The following ITGB1 variants were observed in gnomAD, a reference collection of about 807,000 sequenced individuals.
ITGB1 encodes the protein integrin beta-1.
Under a neutral mutation model 86.5 loss-of-function variants are expected in ITGB1, and 24 were observed. The ratio of observed to expected loss-of-function variants is 0.28; its 90% CI spans 0.20 to 0.39. ITGB1 has a LOEUF of 0.39. ITGB1 is among the 10% of genes least tolerant of loss of function. The pLI is 1.00. For synonymous variants in ITGB1, 323 were observed against 316.8 expected, an observed-to-expected ratio of 1.02 and a Z score of -0.21; for missense variants, 556 against 946.9, an observed-to-expected ratio of 0.59 and a Z score of 5.42.
Position 32,920,344 on chromosome 10 carries a change from T to G in ITGB1, c.1170A>C (p.Ser390=), listed in dbSNP as rs200069459. 2.5e-6 allele frequency: 4 copies of G among 1,613,242 alleles called. No homozygotes were observed. Among genetic ancestry groups the G allele is most frequent in the Non-Finnish European group, 3.4e-6 (4 of 1,179,356 alleles). Reference sequence around the variant, plus strand: ...ATTTGTAACTTATTGTTACGCCTTCTGACAATTTGCCGTTTTCCAAAATGA... The same window carrying G: ...ATTTGTAACTTATTGTTACGCCTTCGGACAATTTGCCGTTTTCCAAAATGA... ...SEVILENGKL[S]EGVTISYKSY... is the part of the protein sequence containing the mutation. The change falls in exon 10 of 16, where the codon TCA becomes TCC. Residue 390 remains serine, a synonymous_variant. Coordinates refer to ENST00000302278, the MANE Select transcript of ITGB1 (RefSeq NM_002211.4).
At chr10:32,956,525 T>C (rs577979332) in intron 1 of ITGB1, among the ~76,000 whole-genome samples, 2 of 151,774 alleles carry the variant, frequency 1.3e-5, no homozygotes, top group South Asian at 2.1e-4. Context: ...CTGGGCAGCA[T>C]AGTGAAATCC....
intron 1 of ITGB1, among the ~76,000 whole-genome samples, chr10:32,942,845 C>T (rs1290516150): frequency 6.6e-6 from 1 of 151,948 alleles, no homozygotes; most frequent in East Asian, 1.9e-4. Flanking sequence ...CCATCATGCC[C>T]ACCTAGAGAT....
intron 2 of ITGB1, among the ~76,000 whole-genome samples, chr10:32,934,362 A>G (rs1273180147): frequency 6.6e-6 from 1 of 152,192 alleles, no homozygotes; most frequent in African/African-American, 2.4e-5. Flanking sequence ...CAGGTAATCT[A>G]GAGAAGATTT....
At chr10:32,921,854 T>G (rs903228392) in intron 9 of ITGB1, among the ~76,000 whole-genome samples, 1 of 151,666 alleles carries the variant, frequency 6.6e-6, no homozygotes, top group South Asian at 2.1e-4. Context: ...AAGAGAAGAA[T>G]TGGCAAAAAA....
Position 32,913,554 on chromosome 10 carries a change from G to A in ITGB1, c.1470-1430C>T, listed in dbSNP as rs142446210. 8.8e-3 allele frequency among the ~76,000 whole-genome samples: 1,342 copies of A among 152,272 alleles called. 15 individuals are homozygous for A. The highest frequency in any genetic ancestry group is 0.029 in the African/African-American group (1,221 of 41,544). Reference sequence around the variant, plus strand: ...CTTCAGTAGCCGATTCGATCCAGTGGAAGAAAGGATATCAGTGATTGAAGA... The same window carrying A: ...CTTCAGTAGCCGATTCGATCCAGTGAAAGAAAGGATATCAGTGATTGAAGA... On this transcript the variant is annotated intron_variant, in intron 11 of 15. Coordinates refer to ENST00000302278, the MANE Select transcript of ITGB1 (RefSeq NM_002211.4).
intron 11 of ITGB1, among the ~76,000 whole-genome samples, chr10:32,917,037 A>C (rs2094934088): frequency 6.6e-6 from 1 of 152,130 alleles, no homozygotes; most frequent in Non-Finnish European, 1.5e-5. Flanking sequence ...AAATAATACC[A>C]CACATCTACA....
chr10:32,940,787 T>C (rs1225816989), intron 1 of ITGB1, among the ~76,000 whole-genome samples: 2 of 152,222 alleles, frequency 1.3e-5, no homozygotes, highest in African/African-American at 4.8e-5. Flanking sequence ...AAGAAGTACA[T>C]CGGTTTACTA....
At chr10:32,915,533 C>G (rs545909190) in intron 11 of ITGB1, among the ~76,000 whole-genome samples, 51 of 152,304 alleles carry the variant, frequency 3.3e-4, no homozygotes, top group African/African-American at 1.2e-3. Flanking sequence ...ATACTATAAA[C>G]ACCACTATGC....
At chr10:32,912,451 C>T (rs1381263193) in intron 11 of ITGB1, among the ~76,000 whole-genome samples, 1 of 152,208 alleles carries the variant, frequency 6.6e-6, no homozygotes, top group Non-Finnish European at 1.5e-5. Flanking sequence ...ACTAATACTG[C>T]GCTTTTCCAA....
At chr10:32,935,428 C>G (rs2094998088) in intron 2 of ITGB1, 64 bp downstream of exon 2, 17 of 995,712 alleles carry the variant, frequency 1.7e-5, no homozygotes, top group Non-Finnish European at 2.7e-5. Flanking sequence ...ATGAACCTAA[C>G]TGGTCAAAGC....
chr10:32,937,511 G>A (rs553116277), intron 1 of ITGB1, among the ~76,000 whole-genome samples: 4 of 140,226 alleles, frequency 2.9e-5, no homozygotes, highest in South Asian at 2.2e-4. Context: ...AGCCAAGATC[G>A]CGCCACTGTA....
At chr10:32,915,586 C>G (rs1180422229) in intron 11 of ITGB1, among the ~76,000 whole-genome samples, 1 of 152,128 alleles carries the variant, frequency 6.6e-6, no homozygotes, top group Non-Finnish European at 1.5e-5. Context: ...AATTCCTGGA[C>G]AAATACACCC....
At chr10:32,923,874 G>A in intron 6 of ITGB1, 134 bp from the exon 7 acceptor site, 1 of 709,740 alleles carries the variant, frequency 1.4e-6, no homozygotes, top group Admixed American at 3.1e-5. Flanking sequence ...TTATACAATG[G>A]TAATTATCTT....
At chr10:32,922,400 T>C in intron 8 of ITGB1, 54 bp from the exon 9 acceptor site, 1 of 1,211,580 alleles carries the variant, frequency 8.3e-7, no homozygotes, top group Non-Finnish European at 1.2e-6. Flanking sequence ...TTCAACCAAT[T>C]AGGATCCACT....
At chr10:32,912,858 GCCT>G (rs935408366) in intron 11 of ITGB1, among the ~76,000 whole-genome samples, 13 of 152,318 alleles carry the variant, frequency 8.5e-5, no homozygotes, top group African/African-American at 3.1e-4. Flanking sequence ...TGGACAGACT[GCCT>G]CCTCAAGTGG....
At chr10:32,953,998 C>A (rs543707042) in intron 1 of ITGB1, among the ~76,000 whole-genome samples, 4 of 152,248 alleles carry the variant, frequency 2.6e-5, no homozygotes, top group East Asian at 1.9e-4. Context: ...CCTCCACCCC[C>A]CCTTGACTAT....
chr10:32,943,294 T>C (rs1350863463), intron 1 of ITGB1, among the ~76,000 whole-genome samples: 2 of 152,182 alleles, frequency 1.3e-5, no homozygotes, highest in Admixed American at 1.3e-4. Context: ...ATTCTGAAGT[T>C]ATATTACTGG....
intron 14 of ITGB1, among the ~76,000 whole-genome samples, chr10:32,909,968 A>T (rs2094907888): frequency 6.6e-6 from 1 of 152,194 alleles, no homozygotes; most frequent in African/African-American, 2.4e-5. Flanking sequence ...GTCTTATATA[A>T]ATCACTAAGC....
chr10:32,926,840 G>A (rs1208216510), intron 5 of ITGB1, among the ~76,000 whole-genome samples: 1 of 152,138 alleles, frequency 6.6e-6, no homozygotes, highest in African/African-American at 2.4e-5. Context: ...TATCATCTAT[G>A]AACCCAGAAG....
Sources: allele counts gnomAD v4.1 joint callset (sites outside exome capture counted in the v4.1 genomes callset), GRCh38; gene constraint gnomAD v4.1.1; transcripts MANE v1.5; gene names NCBI Gene and HGNC (gene_info 2026-07-23, HGNC 2026-07-21).